The following SPSB1 variants were observed in gnomAD, a reference collection of about 807,000 sequenced individuals.
SPSB1 encodes SPRY domain-containing SOCS box protein 1.
A neutral mutation model predicts 21.2 loss-of-function variants in SPSB1; 8 were observed. The ratio of observed to expected loss-of-function variants is 0.38; its 90% CI spans 0.22 to 0.68. SPSB1 has a LOEUF of 0.68. Among genes scored for constraint, SPSB1 ranks in the 30% least tolerant of loss-of-function variants. SPSB1 has a pLI of 0.53. For missense variants in SPSB1, 242 were observed against 377.8 expected (o/e 0.64, Z 2.98); for synonymous variants, 169 against 161.7 (o/e 1.05, Z -0.34).
intron 1 of SPSB1, among the ~76,000 whole-genome samples, chr1:9,335,501 CAAA>C (rs61620058): frequency 2.9e-5 from 4 of 139,544 alleles, no homozygotes; most frequent in Non-Finnish European, 3.1e-5. Context: ...GTCTCTGTCT[CAAA>C]AAAAAAAAAA....
At chr1:9,306,184 G>A (rs1328876602) in intron 1 of SPSB1, among the ~76,000 whole-genome samples, 2 of 152,206 alleles carry the variant, frequency 1.3e-5, no homozygotes, top group Non-Finnish European at 1.5e-5. Flanking sequence ...CACCTCAGGC[G>A]ATTGCCTGTT....
intron 1 of SPSB1, among the ~76,000 whole-genome samples, chr1:9,352,843 C>T (rs1273816561): frequency 6.6e-6 from 1 of 151,224 alleles, no homozygotes; most frequent in Non-Finnish European, 1.5e-5. Flanking sequence ...CCCTCCCTCC[C>T]CCAGCCTCCT....
rs532101113 is a variant in SPSB1, at chr1:9,322,826, G to C, written c.-150+29755G>C. Among the ~76,000 whole-genome samples, 302 of 151,908 alleles carry C rather than the reference G, an allele frequency of 2.0e-3. 2 individuals are homozygous for C. The highest frequency in any genetic ancestry group is 6.8e-3 in the African/African-American group (280 of 41,400). ...GGGGGCAGGCAGCCCTGACGTGTAG[G>C]GAAGCGCTGCGTTAGGTCACCAGGC... On this transcript the variant is annotated intron_variant, in intron 1 of 2. Transcript: ENST00000328089.
chr1:9,293,233 G>T lies in SPSB1; in HGVS notation c.-150+162G>T, dbSNP rs1639149802. ...GGGGAGCGGGTGGAGTACGGGATGG[G>T]GACTCGGGGCGCGGCCCCTCCCGCG... On this transcript the variant is annotated intron_variant, in intron 1 of 2. Coordinates refer to ENST00000328089, the MANE Select transcript of SPSB1 (RefSeq NM_025106.4). The surrounding 1 kb of genome is among the most constrained non-coding windows in gnomAD (Gnocchi z 5.1). Among the ~76,000 whole-genome samples the T allele has an allele frequency of 6.7e-6, 1 of 149,242 alleles. No homozygotes were observed. Among genetic ancestry groups the T allele is most frequent in the Non-Finnish European group, 1.5e-5 (1 of 66,890 alleles).
chr1:9,319,668 G>T (rs910062611), intron 1 of SPSB1, among the ~76,000 whole-genome samples: 34 of 152,204 alleles, frequency 2.2e-4, no homozygotes, highest in African/African-American at 7.7e-4. Context: ...GGATGCTGCG[G>T]GAGGCCAAGC....
In SPSB1 at chr1:9,317,569, C is replaced by T. The variant is rs767313240; in HGVS notation, c.-150+24498C>T. Among the ~76,000 whole-genome samples the T allele has an allele frequency of 4.6e-5, 7 of 152,120 alleles. No individual in the cohort carries two copies. Among genetic ancestry groups the T allele is most frequent in the Admixed American group, 1.3e-4 (2 of 15,282 alleles). Reference sequence around the variant, plus strand: ...CACTGCGGCTTCTGCCTCCCAGGCTCGGGGATCCTCACACCTCAGCCTCTT... The same window carrying T: ...CACTGCGGCTTCTGCCTCCCAGGCTTGGGGATCCTCACACCTCAGCCTCTT... On this transcript the variant is annotated intron_variant, in intron 1 of 2. Transcript: ENST00000328089. The surrounding 1 kb of genome is among the most constrained non-coding windows in gnomAD (Gnocchi z 4.3).
intron 1 of SPSB1, among the ~76,000 whole-genome samples, chr1:9,298,683 G>GC (rs1639266991): frequency 6.6e-6 from 1 of 152,156 alleles, no homozygotes; most frequent in South Asian, 2.1e-4. Flanking sequence ...ACTCACTGTG[G>GC]CCCACTAGTC....
In SPSB1 at chr1:9,356,650, C is replaced by T. The variant is rs1640367962; in HGVS notation, c.694+65C>T. On this transcript the variant is annotated intron_variant, in intron 2 of 2. Coordinates refer to ENST00000328089, the MANE Select transcript of SPSB1 (RefSeq NM_025106.4). This position sits in a 1 kb window ranked among gnomAD's most constrained non-coding sequence, Gnocchi z 7.4. The stretch of plus-strand genomic sequence containing the variant: ...CAGTCCCCATGGTCCTGGCTGGGCT[C>T]AGGCCAAAAGTTGATTCATTGGAAC... The T allele has an allele frequency of 5.3e-6, 8 of 1,522,676 alleles. No homozygotes were observed. The highest frequency in any genetic ancestry group is 5.2e-5 in the South Asian group (4 of 76,334). 94.3% of individuals were successfully genotyped at this position (1,522,676 alleles called of 1,614,324 possible). A position where few individuals can be genotyped will look rare whatever the true frequency, so the allele number is the denominator to read the frequency against.
At chr1:9,344,791 G>C (rs1425301630) in intron 1 of SPSB1, among the ~76,000 whole-genome samples, 1 of 151,984 alleles carries the variant, frequency 6.6e-6, no homozygotes, top group Non-Finnish European at 1.5e-5. Flanking sequence ...AAATCTCTCT[G>C]GGTTGATGCT....
rs1174897124 is a variant in SPSB1 at position 9,321,630 on chromosome 1, C to A, written c.-150+28559C>A. Among the ~76,000 whole-genome samples, 1 of 152,066 alleles carries A rather than the reference C, an allele frequency of 6.6e-6. No individual in the cohort carries two copies. Among genetic ancestry groups the A allele is most frequent in the Non-Finnish European group, 1.5e-5 (1 of 68,024 alleles). On this transcript the variant is annotated intron_variant, in intron 1 of 2. Coordinates refer to ENST00000328089, the MANE Select transcript of SPSB1 (RefSeq NM_025106.4). This position sits in a 1 kb window ranked among gnomAD's most constrained non-coding sequence, Gnocchi z 4.8. ...ATGCTGTGTTTCATCACATCTGAGA[C>A]CCGTCGACCGTGAGCTTCACCTTTA... is the stretch of plus-strand genomic sequence containing the variant.
At chr1:9,332,488 A>T (rs527358097) in intron 1 of SPSB1, among the ~76,000 whole-genome samples, 2 of 152,128 alleles carry the variant, frequency 1.3e-5, no homozygotes, top group Non-Finnish European at 2.9e-5. Context: ...TCTACAAGGG[A>T]TGTATGAGTG....
intron 1 of SPSB1, among the ~76,000 whole-genome samples, chr1:9,313,260 C>T (rs1355999676): frequency 2.0e-5 from 3 of 152,102 alleles, no homozygotes; most frequent in Non-Finnish European, 2.9e-5. Context: ...AGTAGCCAGA[C>T]GTGGTGCCGG....
rs76171956 is a variant in SPSB1 at position 9,325,229 on chromosome 1, C to A, written c.-149-30514C>A. On this transcript the variant is annotated intron_variant, in intron 1 of 2. Coordinates refer to ENST00000328089, the MANE Select transcript of SPSB1 (RefSeq NM_025106.4). ...GAGCCAATGCCTCCCACCACCACCC[C>A]CCCCCCCCGCCCCGCCTCCACCGGT... Among the ~76,000 whole-genome samples the A allele has an allele frequency of 6.7e-5, 10 of 148,758 alleles. 1 individual carries two copies. The highest frequency in any genetic ancestry group is 2.3e-4 in the African/African-American group (9 of 39,470).
intron 1 of SPSB1, among the ~76,000 whole-genome samples, chr1:9,296,419 C>T (rs979574533): frequency 1.3e-5 from 2 of 152,220 alleles, no homozygotes; most frequent in Non-Finnish European, 2.9e-5. Flanking sequence ...CTTCAAGAAG[C>T]ATGGGCTCAT....
chr1:9,359,810 G>A (rs1458852870), intron 2 of SPSB1, among the ~76,000 whole-genome samples: 9 of 149,430 alleles, frequency 6.0e-5, no homozygotes, highest in Admixed American at 4.7e-4. Flanking sequence ...GGCTTGTCCC[G>A]GTGAGAGGTG....
At chr1:9,311,835 A>T (rs192276609) in intron 1 of SPSB1, among the ~76,000 whole-genome samples, 1 of 152,210 alleles carries the variant, frequency 6.6e-6, no homozygotes, top group East Asian at 1.9e-4. Context: ...CCTGGGGGGT[A>T]TGAATTTTCT....
intron 1 of SPSB1, among the ~76,000 whole-genome samples, chr1:9,349,897 G>C (rs933637037): frequency 5.3e-5 from 8 of 152,132 alleles, no homozygotes; most frequent in African/African-American, 1.9e-4. Context: ...CCCATGAGGA[G>C]GACGGTCCTG....
rs976212495 is a variant in SPSB1, at chr1:9,348,987, A to G, written c.-149-6756A>G. On this transcript the variant is annotated intron_variant, in intron 1 of 2. Coordinates refer to ENST00000328089, the MANE Select transcript of SPSB1 (RefSeq NM_025106.4). The surrounding 1 kb of genome is among the most constrained non-coding windows in gnomAD (Gnocchi z 4.8). Reference sequence around the variant, plus strand: ...TGTATATGTGCGTGTGTGCACGTGCATGTGTGTGTGTAGTGGTGGGGTATT... The same window carrying G: ...TGTATATGTGCGTGTGTGCACGTGCGTGTGTGTGTGTAGTGGTGGGGTATT... 6.6e-6 allele frequency among the ~76,000 whole-genome samples: 1 copy of G among 151,698 alleles called. No homozygotes were observed. Among genetic ancestry groups the G allele is most frequent in the African/African-American group, 2.4e-5 (1 of 41,256 alleles).
chr1:9,308,131 C>A (rs1487687590), intron 1 of SPSB1, among the ~76,000 whole-genome samples: 1 of 152,216 alleles, frequency 6.6e-6, no homozygotes, highest in Non-Finnish European at 1.5e-5. Context: ...TCCATTCCTT[C>A]CAGTGTTTTC....
Sources: gnomAD v4.1 joint callset for allele counts (sites outside exome capture counted in the v4.1 genomes callset) on GRCh38, gnomAD v4.1.1 for gene constraint, Gnocchi (gnomAD v3.1) non-coding constraint, MANE v1.5 for transcripts, NCBI Gene and HGNC (gene_info 2026-07-23, HGNC 2026-07-21) for gene names.